TTN: variants seen among roughly 807,000 people sequenced by gnomAD.
TTN encodes titin.
Under a neutral mutation model 3,223.0 loss-of-function variants are expected in TTN, and 1,525 were observed. The ratio of observed to expected loss-of-function variants is 0.47; its 90% CI spans 0.45 to 0.49. The LOEUF (loss-of-function observed/expected upper bound fraction) is 0.49. Among genes scored for constraint, TTN ranks in the 20% least tolerant of loss-of-function variants. The pLI, the probability that TTN is intolerant of heterozygous loss-of-function variation, is 0.00. For synonymous variants in TTN, 14,094 were observed against 15,161.0 expected (o/e 0.93, Z 5.17); for missense variants, 40,786 against 43,424.0 (o/e 0.94, Z 5.40).
chr2:178,626,376 C>T (rs2059057890), intron 240 of TTN, among the ~76,000 whole-genome samples: 1 of 151,936 alleles, frequency 6.6e-6, no homozygotes, highest in Admixed American at 6.6e-5. Flanking sequence ...AGGGGTCATT[C>T]TGACAGCAAA....
In TTN at chr2:178,553,247, T is replaced by G. The variant is rs368173790; in HGVS notation, c.89653A>C (p.Arg29885=). Residue 29885 remains arginine (R), a synonymous_variant, in exon 335 of 363, where the codon AGA becomes CGA. Transcript: ENST00000589042. The stretch of plus-strand genomic sequence containing the variant: ...GAATCAGTGTTTTCAATGCTGTATC[T>G]GGCATCACTGCCAAGATTCTTCTCA... ...KDEKNLGSDA[R]YSIENTDSSS... 6.2e-7 allele frequency: 1 copy of G among 1,613,094 alleles called. No homozygotes were observed. Among genetic ancestry groups the G allele is most frequent in the Non-Finnish European group, 8.5e-7 (1 of 1,179,830 alleles).
chr2:178,637,379 A>G lies in TTN; in HGVS notation c.40917T>C (p.Gly13639=), dbSNP rs1235419539. 9 of 1,478,942 alleles carry G rather than the reference A, an allele frequency of 6.1e-6. No individual in the cohort carries two copies. Among genetic ancestry groups the G allele is most frequent in the Non-Finnish European group, 8.1e-6 (9 of 1,117,642 alleles). 91.6% of individuals were successfully genotyped at this position (1,478,942 alleles called of 1,614,324 possible). The change falls in exon 224 of 363, where the codon GGT becomes GGC. Residue 13639 remains glycine, a synonymous_variant. Transcript: ENST00000589042. ...APKEEAAKPK[G]PIKGVPKKTP... The stretch of plus-strand genomic sequence containing the variant: ...AAAAATGAATTTCACCTTTGATAGG[A>G]CCTTTTGGCTTGGCAGCCTCTTCCT...
chr2:178,675,138 A>G (rs927241635), intron 149 of TTN, 25 bp from the exon 150 acceptor site: 2 of 1,482,226 alleles, frequency 1.3e-6, no homozygotes, highest in East Asian at 2.5e-5. Context: ...ATTATTTTAG[A>G]CACTTAAAAT....
Position 178,749,658 on chromosome 2 carries a change from C to T in TTN, c.11311+3466G>A, listed in dbSNP as rs141410571. ...TTTTCTCTATAAGTGACAGGCTCCA[C>T]TGTTAGATCTGAAACACTTTCAACT... On this transcript the variant is annotated intron_variant, in intron 47 of 362. Coordinates refer to ENST00000589042, the MANE Select transcript of TTN (RefSeq NM_001267550.2). 1.7e-5 allele frequency: 28 copies of T among 1,612,870 alleles called. No individual in the cohort carries two copies. In the African/African-American group the frequency reaches 2.1e-4, roughly 12 times the overall value.
chr2:178,705,736 G>C (rs1211080299), intron 102 of TTN, among the ~76,000 whole-genome samples: 1 of 152,174 alleles, frequency 6.6e-6, no homozygotes, highest in Non-Finnish European at 1.5e-5. Context: ...CGGAAACGAT[G>C]TGTGGAAATT....
rs1351262252 is a variant in TTN at position 178,589,946 on chromosome 2, T to C, written c.61779A>G (p.Pro20593=). The change falls in exon 304 of 363, where the codon CCA becomes CCG. Residue 20593 remains proline (P), a synonymous_variant. Transcript: ENST00000589042. ...TTATTTCTGAGCCACCATTATCTAG[T>C]GGGTTTTCCCAAGAAATTGTACAGT... ...KENCTISWEN[P]LDNGGSEITN... 1.4e-5 allele frequency: 22 copies of C among 1,613,100 alleles called. No individual in the cohort carries two copies. Among genetic ancestry groups the C allele is most frequent in the Non-Finnish European group, 8.5e-7 (1 of 1,179,528 alleles).
intron 6 of TTN, chr2:178,798,366 T>C (rs1421475395): frequency 6.6e-6 from 1 of 152,174 alleles, no homozygotes; most frequent in Non-Finnish European, 1.5e-5. Flanking sequence ...AAAACTGTTG[T>C]GGACAATTTA....
Position 178,549,803 on chromosome 2 carries a change from C to G in TTN, c.91919G>C (p.Trp30640Ser). 1.9e-6 allele frequency: 3 copies of G among 1,608,358 alleles called. No homozygotes were observed. The highest frequency in any genetic ancestry group is 2.6e-6 in the Non-Finnish European group (3 of 1,175,564). Residue 30640 changes from tryptophan (W) to serine (S), a missense_variant, in exon 338 of 363, where the codon TGG becomes TCG. Trp to Ser is a radical substitution (Grantham distance 177, BLOSUM62 -3). Coordinates refer to ENST00000589042, the MANE Select transcript of TTN (RefSeq NM_001267550.2). ...ACCGTCATTGAGTGGGGCATCCCACCACAGAGTCATCTTCTCCCCAGTAAT... is the reference window on the plus strand; with the variant it reads ...ACCGTCATTGAGTGGGGCATCCCACGACAGAGTCATCTTCTCCCCAGTAAT... The part of the protein sequence containing the change: ...TNITGEKMTL[W>S]WDAPLNDGCA...
At chr2:178,544,601 G>A (rs1277912539) in intron 344 of TTN, 95 bp from the exon 345 acceptor site, 13 of 1,071,516 alleles carry the variant, frequency 1.2e-5, no homozygotes, top group Non-Finnish European at 1.6e-5. Context: ...AGGCATTATT[G>A]CTCTTGTCCA....
intron 112 of TTN, among the ~76,000 whole-genome samples, chr2:178,698,031 A>G (rs949530180): frequency 6.6e-6 from 1 of 152,250 alleles, no homozygotes; most frequent in African/African-American, 2.4e-5. Flanking sequence ...AAAAGGTGGT[A>G]TATAAATACA....
Position 178,607,815 on chromosome 2 carries a change from T to A in TTN, c.52972A>T (p.Thr17658Ser). ...GGTTCAGCCACAGTAACAGGTTGTG[T>A]TTCTCCAGGCGGTCCTTCCCCTGCG... ...NAAGEGPPGE[T>S]QPVTVAEPQE... Residue 17658 changes from threonine (T) to serine (S), a missense_variant, in exon 276 of 363, where the codon ACA becomes TCA. By Grantham distance (58) the Thr-to-Ser change is moderately conservative. Transcript: ENST00000589042. 6.2e-7 allele frequency: 1 copy of A among 1,613,014 alleles called. No homozygotes were observed. Among genetic ancestry groups the A allele is most frequent in the Non-Finnish European group, 8.5e-7 (1 of 1,179,328 alleles).
Position 178,536,054 on chromosome 2 carries a change from C to G in TTN, c.100693G>C (p.Ala33565Pro), listed in dbSNP as rs373484505. Residue 33565 changes from alanine (A) to proline (P), a missense_variant, in exon 357 of 363, where the codon GCC becomes CCC. Coordinates refer to ENST00000589042, the MANE Select transcript of TTN (RefSeq NM_001267550.2). ...LIIASVTDDD[A>P]TVYQVRATNQ... ...GTAGCTCTGACTTGGTAAACTGTGGCATCATCATCTGTGACACTTGCAATG... is the reference window on the plus strand; with the variant it reads ...GTAGCTCTGACTTGGTAAACTGTGGGATCATCATCTGTGACACTTGCAATG... 1.1e-5 allele frequency: 18 copies of G among 1,596,338 alleles called. No homozygotes were observed. The highest frequency in any genetic ancestry group is 1.5e-5 in the Non-Finnish European group (18 of 1,168,902).
rs1710003146 is a variant in TTN at position 178,576,135 on chromosome 2, C to A, written c.69997G>T (p.Val23333Phe). The change falls in exon 326 of 363, where the codon GTT (valine) becomes TTT (phenylalanine). Residue 23333 changes from valine (V) to phenylalanine (F), a missense_variant. Transcript: ENST00000589042. This position sits in a 1 kb window ranked among gnomAD's most constrained non-coding sequence, Gnocchi z 4.3. ...GVGEPAVIPD[V>F]EIVEREMAPD... is the part of the protein sequence containing the mutation. ...GCCATCTCCCGTTCTACGATTTCAA[C>A]ATCTGGAATCACCGCTGGCTCCCCA... The A allele has an allele frequency of 6.2e-7, 1 of 1,613,406 alleles. No individual in the cohort carries two copies. The highest frequency in any genetic ancestry group is 8.5e-7 in the Non-Finnish European group (1 of 1,179,572).
chr2:178,577,008 C>G lies in TTN; in HGVS notation c.69327G>C (p.Glu23109Asp). The change falls in exon 324 of 363, where the codon GAG becomes GAC. Residue 23109 changes from glutamate (E) to aspartate (D), a missense_variant. By Grantham distance (45) the Glu-to-Asp change is conservative. Coordinates refer to ENST00000589042, the MANE Select transcript of TTN (RefSeq NM_001267550.2). ...HVATKLIQGN[E>D]YIFRVSAVNH... ...TTACAGCTGAGACCCGGAAGATGTA[C>G]TCATTTCCTTGGATAAGTTTGGTTG... The G allele has an allele frequency of 1.2e-6, 2 of 1,613,462 alleles. No individual in the cohort carries two copies. Among genetic ancestry groups the G allele is most frequent in the Admixed American group, 3.3e-5 (2 of 59,988 alleles).
chr2:178,601,419 C>T lies in TTN; in HGVS notation c.55578G>A (p.Trp18526Ter). 6.2e-7 allele frequency: 1 copy of T among 1,612,794 alleles called. No individual in the cohort carries two copies. Among genetic ancestry groups the T allele is most frequent in the Non-Finnish European group, 8.5e-7 (1 of 1,179,290 alleles). The change falls in exon 287 of 363, where the codon TGG becomes TGA. Residue 18526 changes from tryptophan to a stop codon, truncating the protein, a stop_gained. Transcript: ENST00000589042. LOFTEE classifies it high-confidence loss of function. ...TTCCACAGTCTGGATTGACTTTGGTCCAGGCTTTTCCATCAATAGTCCTCT... is the reference window on the plus strand; with the variant it reads ...TTCCACAGTCTGGATTGACTTTGGTTCAGGCTTTTCCATCAATAGTCCTCT... ...IEKRTIDGKAWTKVNPDCGST... is the reference protein window; with the variant it reads ...IEKRTIDGKA
chr2:178,619,487 T>C lies in TTN; in HGVS notation c.46696+134A>G, dbSNP rs1470574181. 5 of 1,120,166 alleles carry C rather than the reference T, an allele frequency of 4.5e-6. No homozygotes were observed. The Admixed American group carries it at 1.4e-4, about 31-fold the overall frequency. The allele number at this position is 1,120,166 out of a possible 1,614,324, so 69.4% of individuals were successfully genotyped here. A position where few individuals can be genotyped will look rare whatever the true frequency, so the allele number is the denominator to read the frequency against. On this transcript the variant is annotated intron_variant, in intron 250 of 362. Transcript: ENST00000589042. ...ACACTTACTTTGTAGTGAGCAAAAT[T>C]AGAGTTGTTAACATGTGGGTAGGGC...
rs528480278 is a variant in TTN at position 178,774,601 on chromosome 2, C to T, written c.6791-128G>A. 7.2e-5 allele frequency: 60 copies of T among 830,200 alleles called. No individual in the cohort carries two copies. In the Middle Eastern group the frequency reaches 1.1e-3, roughly 15 times the overall value. The allele number at this position is 830,200 out of a possible 1,614,324, so 51.4% of individuals were successfully genotyped here. On this transcript the variant is annotated intron_variant, in intron 29 of 362. Coordinates refer to ENST00000589042, the MANE Select transcript of TTN (RefSeq NM_001267550.2). ...ATCAGGTGTATTCTTAATATCTACC[C>T]GCTGATGGGCTGAGAGATAAATTTT...
At position 178,612,282 on chromosome 2, in the gene TTN, G is replaced by T; in HGVS notation, c.50243C>A (p.Thr16748Asn). ...GATTAAGTGCAAGAGCATACTAAAG[G>T]TGTCTTTGGCCAGCACAGAGTCCTC... is the stretch of plus-strand genomic sequence containing the variant. ...EIEDSVLAKD[T>N]FTTPGPPYAL... Residue 16748 changes from threonine (T) to asparagine (N), a missense_variant, in exon 266 of 363, where the codon ACC becomes AAC. Transcript: ENST00000589042. 1 of 1,612,032 alleles carries T rather than the reference G, an allele frequency of 6.2e-7. No individual in the cohort carries two copies. The highest frequency in any genetic ancestry group is 8.5e-7 in the Non-Finnish European group (1 of 1,179,010).
At chr2:178,651,599 C>G (rs1576954176) in intron 206 of TTN, 63 bp from the exon 207 acceptor site, 1 of 1,611,398 alleles carries the variant, frequency 6.2e-7, no homozygotes, top group South Asian at 1.1e-5. Context: ...AATCATGAAG[C>G]AGAACAGTAG....
Sources: allele counts gnomAD v4.1 joint callset (sites outside exome capture counted in the v4.1 genomes callset), GRCh38; gene constraint gnomAD v4.1.1; non-coding constraint Gnocchi (gnomAD v3.1); transcripts MANE v1.5; gene names NCBI Gene and HGNC (gene_info 2026-07-23, HGNC 2026-07-21).